Variants in FMN2 observed in about 807,000 individuals in gnomAD.
FMN2 encodes formin-2.
A neutral mutation model predicts 142.3 loss-of-function variants in FMN2; 51 were observed. The observed-to-expected ratio is 0.36, with a 90% confidence interval of 0.29 to 0.45. The LOEUF (loss-of-function observed/expected upper bound fraction) is 0.45, where lower values mean the gene tolerates loss of function less well. Ranked by LOEUF, FMN2 falls within the 20% of genes least tolerant of loss-of-function variation. The pLI, the probability that FMN2 is intolerant of heterozygous loss-of-function variation, is 1.00. For synonymous variants in FMN2, 882 were observed against 869.8 expected, an observed-to-expected ratio of 1.01 and a Z score of -0.25; for missense variants, 1,936 against 2,122.8, an observed-to-expected ratio of 0.91 and a Z score of 1.73.
chr1:240,421,449 GTC>G (rs1369075002), intron 15 of FMN2, among the ~76,000 whole-genome samples: 2 of 152,052 alleles, frequency 1.3e-5, no homozygotes, highest in African/African-American at 2.4e-5. Flanking sequence ...ATTTAGGTCT[GTC>G]TGTTTTATTT....
At chr1:240,331,600 T>C (rs1671379914) in intron 11 of FMN2, among the ~76,000 whole-genome samples, 1 of 152,178 alleles carries the variant, frequency 6.6e-6, no homozygotes, top group Non-Finnish European at 1.5e-5. Flanking sequence ...ATTTCCTTCA[T>C]GGGGGAGAGA....
chr1:240,368,446 C>T (rs1672754491), intron 14 of FMN2, among the ~76,000 whole-genome samples: 1 of 152,098 alleles, frequency 6.6e-6, no homozygotes, highest in Admixed American at 6.6e-5. Flanking sequence ...TGTTTTTGTA[C>T]AAATATTTCT....
chr1:240,470,643 A>C (rs534668285), intron 16 of FMN2, among the ~76,000 whole-genome samples: 14 of 152,330 alleles, frequency 9.2e-5, no homozygotes, highest in African/African-American at 3.1e-4. Context: ...GGGATCAAGA[A>C]ATATATTTAT....
chr1:240,099,172 A>G (rs1304998365), intron 1 of FMN2, among the ~76,000 whole-genome samples: 1 of 151,998 alleles, frequency 6.6e-6, no homozygotes, highest in Non-Finnish European at 1.5e-5. Context: ...TGCTCTCCTG[A>G]CTGGATTTAT....
At chr1:240,470,582 A>G (rs914781721) in intron 16 of FMN2, among the ~76,000 whole-genome samples, 2 of 152,200 alleles carry the variant, frequency 1.3e-5, no homozygotes, top group African/African-American at 2.4e-5. Flanking sequence ...AAAAAGAGGA[A>G]TTGATTTAGT....
chr1:240,166,663 T>A (rs1159568910), intron 2 of FMN2, among the ~76,000 whole-genome samples: 1 of 152,246 alleles, frequency 6.6e-6, no homozygotes, highest in Non-Finnish European at 1.5e-5. Context: ...ATGTACAAAT[T>A]AAATTTTTTA....
chr1:240,211,699 T>C (rs1469597341), intron 6 of FMN2, among the ~76,000 whole-genome samples: 2 of 152,230 alleles, frequency 1.3e-5, no homozygotes, highest in African/African-American at 4.8e-5. Context: ...ACAGTCACAC[T>C]GTACTTGAAA....
intron 6 of FMN2, among the ~76,000 whole-genome samples, chr1:240,228,682 G>T (rs952974736): frequency 6.6e-6 from 1 of 152,058 alleles, no homozygotes; most frequent in African/African-American, 2.4e-5. Context: ...TTATGAGAAG[G>T]TAAATAATTT....
At chr1:240,413,850 T>C (rs762960887) in intron 15 of FMN2, among the ~76,000 whole-genome samples, 1 of 152,230 alleles carries the variant, frequency 6.6e-6, no homozygotes, top group Non-Finnish European at 1.5e-5. Flanking sequence ...AATACTTCTA[T>C]GGTAGTGCTT....
intron 16 of FMN2, among the ~76,000 whole-genome samples, chr1:240,469,645 A>C (rs1039303165): frequency 6.6e-6 from 1 of 152,224 alleles, no homozygotes; most frequent in African/African-American, 2.4e-5. Context: ...TAAACGATTA[A>C]GATGTGCCTG....
intron 13 of FMN2, among the ~76,000 whole-genome samples, chr1:240,337,016 G>T (rs912164455): frequency 1.3e-5 from 2 of 151,782 alleles, no homozygotes; most frequent in African/African-American, 2.4e-5. Flanking sequence ...GTAGAATTTC[G>T]TATCAACAAC....
At chr1:240,105,855 C>CT (rs562729194) in intron 1 of FMN2, among the ~76,000 whole-genome samples, 91 of 151,678 alleles carry the variant, frequency 6.0e-4, no homozygotes, top group African/African-American at 2.1e-3. Context: ...AAAGGTAGTG[C>CT]TTTTTTTTAC....
chr1:240,295,873 C>T (rs1333043607), intron 8 of FMN2, among the ~76,000 whole-genome samples: 1 of 152,204 alleles, frequency 6.6e-6, no homozygotes, highest in Non-Finnish European at 1.5e-5. Flanking sequence ...AATTTACATT[C>T]CCATCGACAG....
At chr1:240,452,532 T>A (rs1676098137) in intron 16 of FMN2, among the ~76,000 whole-genome samples, 1 of 152,152 alleles carries the variant, frequency 6.6e-6, no homozygotes, top group Non-Finnish European at 1.5e-5. Context: ...GAGACGGGTT[T>A]ATTTTTTAAA....
chr1:240,349,584 G>T (rs192210566), intron 13 of FMN2, among the ~76,000 whole-genome samples: 121 of 152,284 alleles, frequency 7.9e-4, no homozygotes, highest in African/African-American at 2.6e-3. Context: ...GTGATAAACT[G>T]GTGTTTGCCC....
chr1:240,221,795 G>T (rs1667125691), intron 6 of FMN2, among the ~76,000 whole-genome samples: 1 of 148,602 alleles, frequency 6.7e-6, no homozygotes, highest in African/African-American at 2.5e-5. Flanking sequence ...TAATCATGAA[G>T]ACTTTGCCCA....
At chr1:240,435,529 T>G (rs1339714635) in intron 15 of FMN2, among the ~76,000 whole-genome samples, 1 of 151,944 alleles carries the variant, frequency 6.6e-6, no homozygotes, top group Non-Finnish European at 1.5e-5. Context: ...ATATATAGCA[T>G]ATGTAATATA....
Position 240,208,602 on chromosome 1 carries a change from C to T in FMN2, c.3790C>T (p.Pro1264Ser), listed in dbSNP as rs1438716854. The change falls in exon 5 of 18, where the codon CCT becomes TCT. Residue 1264 changes from proline (P) to serine (S), a missense_variant. Around this residue, in one of 8 missense-constraint regions of FMN2, gnomAD observed 259 missense variants for 230.9 expected, o/e 1.12. Coordinates refer to ENST00000319653, the MANE Select transcript of FMN2 (RefSeq NM_020066.5). Reference sequence around the variant, plus strand: ...AACCCCACAGGTGTGTGGATTTCTTCCTCCTCCATTGCCAAGTGGCTTGTT... The same window carrying T: ...AACCCCACAGGTGTGTGGATTTCTTTCTCCTCCATTGCCAAGTGGCTTGTT... ...LPTPQVCGFL[P>S]PPLPSGLFGL... 6.2e-7 allele frequency: 1 copy of T among 1,613,904 alleles called. No homozygotes were observed. The highest frequency in any genetic ancestry group is 8.5e-7 in the Non-Finnish European group (1 of 1,180,008).
chr1:240,159,913 A>ATG (rs762507882), intron 2 of FMN2, among the ~76,000 whole-genome samples: 1 of 97,800 alleles, frequency 1.0e-5, no homozygotes, highest in Non-Finnish European at 1.9e-5. Context: ...GTGTATATAT[A>ATG]TATATATATA....
Sources: allele counts gnomAD v4.1 joint callset (sites outside exome capture counted in the v4.1 genomes callset), GRCh38; gene constraint gnomAD v4.1.1; regional missense constraint gnomAD v4.1.1; transcripts MANE v1.5; gene names NCBI Gene and HGNC (gene_info 2026-07-23, HGNC 2026-07-21).